Variants in OSBPL9 observed in about 807,000 individuals in gnomAD.
OSBPL9 encodes the protein oxysterol-binding protein-related protein 9.
A neutral mutation model predicts 106.6 loss-of-function variants in OSBPL9; 40 were observed. The observed-to-expected ratio is 0.38, with a 90% CI of 0.29 to 0.49. OSBPL9 has a LOEUF of 0.49. Ranked by LOEUF, OSBPL9 falls within the 20% of genes least tolerant of loss-of-function variation. The pLI is 0.97. For missense variants in OSBPL9, 609 were observed against 887.2 expected, an observed-to-expected ratio of 0.69 and a Z score of 3.98; for synonymous variants, 269 against 295.4, an observed-to-expected ratio of 0.91 and a Z score of 0.92.
intron 1 of OSBPL9, among the ~76,000 whole-genome samples, chr1:51,643,972 C>T (rs913477249): frequency 8.0e-5 from 12 of 149,300 alleles, no homozygotes; most frequent in Admixed American, 2.7e-4. Context: ...CCCAGCTACT[C>T]TGGAGGCTGA....
intron 1 of OSBPL9, among the ~76,000 whole-genome samples, chr1:51,579,379 A>T (rs1645206266): frequency 6.6e-6 from 1 of 152,228 alleles, no homozygotes; most frequent in South Asian, 2.1e-4. Flanking sequence ...TTTAGATTTG[A>T]AGGTAAAAGT....
At chr1:51,747,785 G>A (rs1476821254) in intron 6 of OSBPL9, among the ~76,000 whole-genome samples, 1 of 151,394 alleles carries the variant, frequency 6.6e-6, no homozygotes, top group Admixed American at 6.6e-5. Context: ...AGAATTTTTT[G>A]TTGTTGTTTT....
intron 3 of OSBPL9, among the ~76,000 whole-genome samples, chr1:51,712,425 G>T (rs1464797728): frequency 1.3e-5 from 2 of 152,180 alleles, no homozygotes; most frequent in East Asian, 3.9e-4. Flanking sequence ...GAGGGAGAGG[G>T]AGAGGGAGAG....
intron 4 of OSBPL9, 72 bp downstream of exon 4, chr1:51,714,151 T>G: frequency 8.2e-7 from 1 of 1,215,072 alleles, no homozygotes; most frequent in South Asian, 1.5e-5. Context: ...TTTCTGTTTT[T>G]TTTTTTTAAA....
chr1:51,756,298 A>AT (rs761161586), intron 8 of OSBPL9, 22 bp from the exon 9 acceptor site: 3 of 1,604,526 alleles, frequency 1.9e-6, no homozygotes, highest in Non-Finnish European at 1.7e-6. Context: ...TGAAGTTAAT[A>AT]TTTTTAACAT....
chr1:51,642,136 A>G (rs980628387), intron 1 of OSBPL9, among the ~76,000 whole-genome samples: 2 of 152,218 alleles, frequency 1.3e-5, no homozygotes, highest in African/African-American at 4.8e-5. Context: ...CATAATCAGA[A>G]TAAGAATAGA....
At chr1:51,668,607 C>T (rs574174354) in intron 2 of OSBPL9, among the ~76,000 whole-genome samples, 22 of 152,176 alleles carry the variant, frequency 1.4e-4, no homozygotes, top group African/African-American at 5.3e-4. Context: ...GGGTGACAGC[C>T]TAGGCAACAG....
At chr1:51,672,597 C>G (rs927963490) in intron 3 of OSBPL9, among the ~76,000 whole-genome samples, 1 of 152,042 alleles carries the variant, frequency 6.6e-6, no homozygotes, top group South Asian at 2.1e-4. Context: ...ACCATATGTA[C>G]TCTCTTTTCT....
intron 12 of OSBPL9, among the ~76,000 whole-genome samples, chr1:51,771,210 G>A (rs186287729): frequency 1.6e-4 from 24 of 152,286 alleles, no homozygotes; most frequent in South Asian, 6.2e-4. Flanking sequence ...ACATGTTTTC[G>A]CACGTGTAGA....
chr1:51,589,720 T>A (rs370486354), intron 1 of OSBPL9, among the ~76,000 whole-genome samples: 9 of 151,630 alleles, frequency 5.9e-5, no homozygotes, highest in Middle Eastern at 6.8e-3. Context: ...TGGAACATAA[T>A]GAACAAGCAG....
the OSBPL9 span, among the ~76,000 whole-genome samples, chr1:51,523,168 G>A: frequency 6.6e-6 from 1 of 152,058 alleles, no homozygotes; most frequent in Non-Finnish European, 1.5e-5. Flanking sequence ...ACATATCCCT[G>A]TCATTGAAAA....
intron 3 of OSBPL9, among the ~76,000 whole-genome samples, chr1:51,689,282 A>C (rs1170913581): frequency 6.6e-6 from 1 of 152,204 alleles, no homozygotes; most frequent in African/African-American, 2.4e-5. Context: ...AAAAGAATTC[A>C]GTAGCAAATT....
At chr1:51,655,524 G>A (rs935498280) in intron 2 of OSBPL9, among the ~76,000 whole-genome samples, 5 of 152,090 alleles carry the variant, frequency 3.3e-5, no homozygotes, top group Admixed American at 6.6e-5. Flanking sequence ...TGATGACATC[G>A]GATTAGGTCC....
At chr1:51,578,843 G>A (rs1468693460) in intron 1 of OSBPL9, among the ~76,000 whole-genome samples, 2 of 152,162 alleles carry the variant, frequency 1.3e-5, no homozygotes, top group Non-Finnish European at 2.9e-5. Flanking sequence ...TCAAACAACA[G>A]TGTGGTAAGG....
chr1:51,666,140 A>T (rs568371264), intron 2 of OSBPL9, among the ~76,000 whole-genome samples: 1 of 152,206 alleles, frequency 6.6e-6, no homozygotes, highest in East Asian at 1.9e-4. Context: ...GAGCCGCCGC[A>T]CCCGGCCTCC....
chr1:51,593,575 C>T (rs991776485), intron 1 of OSBPL9, among the ~76,000 whole-genome samples: 2 of 152,126 alleles, frequency 1.3e-5, no homozygotes, highest in African/African-American at 4.8e-5. Context: ...CTTCTCTGCC[C>T]ATCTGATAAA....
chr1:51,752,599 C>G, intron 8 of OSBPL9: 1 of 453,894 alleles, frequency 2.2e-6, no homozygotes. Flanking sequence ...GCTTAAAGAA[C>G]AGAAGTTTAT....
the OSBPL9 span, among the ~76,000 whole-genome samples, chr1:51,541,214 C>A: frequency 1.3e-5 from 2 of 152,170 alleles, no homozygotes; most frequent in African/African-American, 4.8e-5. Context: ...AAGGCAGAGG[C>A]TGAGTCTTAG....
chr1:51,579,621 T>C (rs962024232), intron 1 of OSBPL9, among the ~76,000 whole-genome samples: 4 of 152,114 alleles, frequency 2.6e-5, no homozygotes, highest in Non-Finnish European at 5.9e-5. Flanking sequence ...CTCTAATATA[T>C]AGAATCCTAA....
Sources: gnomAD v4.1 joint callset for allele counts (sites outside exome capture counted in the v4.1 genomes callset) on GRCh38, gnomAD v4.1.1 for gene constraint, MANE v1.5 for transcripts, NCBI Gene and HGNC (gene_info 2026-07-23, HGNC 2026-07-21) for gene names.